The following PHF2 variants were observed in gnomAD, a reference collection of about 807,000 sequenced individuals.
The protein encoded by PHF2 is PHD finger protein 2, also known as lysine-specific demethylase PHF2.
Under a neutral mutation model 120.5 loss-of-function variants are expected in PHF2, and 27 were observed. That is an observed-to-expected ratio of 0.22 (90% CI 0.17 to 0.31). The LOEUF (loss-of-function observed/expected upper bound fraction) is 0.31, where lower values mean the gene tolerates loss of function less well. Ranked by LOEUF, PHF2 falls within the 10% of genes least tolerant of loss-of-function variation. PHF2 has a pLI of 1.00. For synonymous variants in PHF2, 568 were observed against 592.5 expected (o/e 0.96, Z 0.60); for missense variants, 1,024 against 1,434.8 (o/e 0.71, Z 4.63).
At chr9:93,589,479 G>A (rs972334601) in intron 1 of PHF2, among the ~76,000 whole-genome samples, 4 of 152,160 alleles carry the variant, frequency 2.6e-5, no homozygotes, top group East Asian at 1.9e-4. Context: ...ACAAGCCAGA[G>A]TGTCTCCAGA....
chr9:93,654,618 G>C, intron 7 of PHF2, 43 bp downstream of exon 7: 1 of 1,585,656 alleles, frequency 6.3e-7, no homozygotes, highest in Non-Finnish European at 8.6e-7. Context: ...AGGGCTTGCC[G>C]GCCCTCATCA....
chr9:93,671,812 AG>A (rs1826799562), intron 17 of PHF2, among the ~76,000 whole-genome samples: 1 of 140,774 alleles, frequency 7.1e-6, no homozygotes, highest in African/African-American at 2.7e-5. Context: ...GTGTGGATGT[AG>A]GTACAGGTGT....
chr9:93,604,496 G>C (rs1205772289), intron 1 of PHF2, among the ~76,000 whole-genome samples: 2 of 148,880 alleles, frequency 1.3e-5, no homozygotes, highest in African/African-American at 5.0e-5. Context: ...ACAGAGTCTC[G>C]CTCTGTCGCC....
chr9:93,619,500 G>C (rs1014132624), intron 1 of PHF2, among the ~76,000 whole-genome samples: 1 of 152,260 alleles, frequency 6.6e-6, no homozygotes, highest in Non-Finnish European at 1.5e-5. Context: ...GGTGGTGGAT[G>C]CGGGCCTTCA....
At chr9:93,615,700 T>C (rs956676985) in intron 1 of PHF2, among the ~76,000 whole-genome samples, 2 of 152,170 alleles carry the variant, frequency 1.3e-5, no homozygotes, top group Non-Finnish European at 2.9e-5. Context: ...GCCCTTGTCA[T>C]CCTGTTAGCT....
At chr9:93,606,311 T>G (rs1825542025) in intron 1 of PHF2, among the ~76,000 whole-genome samples, 1 of 152,182 alleles carries the variant, frequency 6.6e-6, no homozygotes, top group Non-Finnish European at 1.5e-5. Context: ...TCTTCCATAG[T>G]GGCTGTACCA....
At position 93,653,327 on chromosome 9, in the gene PHF2, G is replaced by A. The variant is rs1268517355; in HGVS notation, c.751G>A (p.Asp251Asn). The change falls in exon 6 of 22, where the codon GAC becomes AAC. Residue 251 changes from aspartate (D) to asparagine (N), a missense_variant. Transcript: ENST00000359246. The part of the protein sequence containing the change: ...VKDSYTDFHI[D>N]SGGASAWYHV... The stretch of plus-strand genomic sequence containing the variant: ...GGACAGTTACACCGACTTCCACATC[G>A]ACTCTGGGGGCGCCTCTGCCTGGTA... 3.7e-6 allele frequency: 6 copies of A among 1,613,726 alleles called. No homozygotes were observed. Among genetic ancestry groups the A allele is most frequent in the East Asian group, 4.5e-5 (2 of 44,900 alleles).
intron 3 of PHF2, among the ~76,000 whole-genome samples, chr9:93,643,878 C>T (rs886590015): frequency 6.6e-6 from 1 of 152,110 alleles, no homozygotes; most frequent in East Asian, 1.9e-4. Context: ...GTCTCCTGGC[C>T]GTCCATATTT....
intron 1 of PHF2, among the ~76,000 whole-genome samples, chr9:93,582,973 T>C (rs2131596565): frequency 6.6e-6 from 1 of 152,320 alleles, no homozygotes; most frequent in African/African-American, 2.4e-5. Flanking sequence ...AGTGTCTTCA[T>C]AGTGTTGAGC....
At chr9:93,675,613 C>A in intron 19 of PHF2, 67 bp from the exon 20 acceptor site, 1 of 1,304,244 alleles carries the variant, frequency 7.7e-7, no homozygotes, top group Non-Finnish European at 1.1e-6. Context: ...GCAGGGTAGC[C>A]CCAAACCAGG....
intron 1 of PHF2, among the ~76,000 whole-genome samples, chr9:93,617,649 T>C (rs1825750273): frequency 6.6e-6 from 1 of 152,158 alleles, no homozygotes; most frequent in African/African-American, 2.4e-5. Context: ...CTAATAGATA[T>C]GTATATGTTT....
chr9:93,610,084 G>A (rs1461863134), intron 1 of PHF2, among the ~76,000 whole-genome samples: 1 of 151,146 alleles, frequency 6.6e-6, no homozygotes, highest in African/African-American at 2.4e-5. Context: ...TTTTTTTGCG[G>A]GGAGGCTTAT....
chr9:93,679,501 T>C lies in PHF2; in HGVS notation c.*1825T>C, dbSNP rs73523944. 5,168 of 302,184 alleles carry C rather than the reference T, an allele frequency of 0.017. 69 individuals carry two copies. The highest frequency in any genetic ancestry group is 0.031 in the Middle Eastern group (26 of 828). 18.7% of individuals were successfully genotyped at this position (302,184 alleles called of 1,614,324 possible). A position where few individuals can be genotyped will look rare whatever the true frequency, so the allele number is the denominator to read the frequency against. Reference sequence around the variant, plus strand: ...TTAAAGTGTTTTATTTCCCAATTCATATTACTCTTGTATCGAGTCCATGAG... The same window carrying C: ...TTAAAGTGTTTTATTTCCCAATTCACATTACTCTTGTATCGAGTCCATGAG... On this transcript the variant is annotated 3_prime_UTR_variant, in exon 22 of 22. Coordinates refer to ENST00000359246, the MANE Select transcript of PHF2 (RefSeq NM_005392.4).
chr9:93,623,783 G>A (rs1825861997), intron 1 of PHF2, among the ~76,000 whole-genome samples: 1 of 152,182 alleles, frequency 6.6e-6, no homozygotes, highest in Admixed American at 6.5e-5. Context: ...AAGATAGAGT[G>A]AACTTTATAT....
In PHF2 at chr9:93,576,864, C is replaced by A; in HGVS notation, c.91C>A (p.His31Asn). 1.6e-6 allele frequency: 2 copies of A among 1,251,058 alleles called. No individual in the cohort carries two copies. The highest frequency in any genetic ancestry group is 1.3e-5 in the South Asian group (1 of 74,648). 77.5% of individuals were successfully genotyped at this position (1,251,058 alleles called of 1,614,324 possible). The change falls in exon 1 of 22, where the codon CAC becomes AAC. Residue 31 changes from histidine (H) to asparagine (N), a missense_variant. His to Asn is a moderately conservative substitution (Grantham distance 68). Transcript: ENST00000359246. ...GTGCGACGCCTGCAAGGACTGGTTCCACGGCAGGTGAGCGCGCGGCGGCTG... is the reference window on the plus strand; with the variant it reads ...GTGCGACGCCTGCAAGGACTGGTTCAACGGCAGGTGAGCGCGCGGCGGCTG... ...IECDACKDWF[H>N]GSCVGVEEEE...
chr9:93,617,689 T>C lies in PHF2; in HGVS notation c.99-12281T>C, dbSNP rs554469950. 2.6e-5 allele frequency among the ~76,000 whole-genome samples: 4 copies of C among 152,208 alleles called. No homozygotes were observed. The East Asian group carries it at 7.7e-4, about 29-fold the overall frequency. On this transcript the variant is annotated intron_variant, in intron 1 of 21. Transcript: ENST00000359246. Reference sequence around the variant, plus strand: ...AGTGTTAACTCACACGATCACAAGGTCCCACAATAGGCCATCTGCAAGCTG... The same window carrying C: ...AGTGTTAACTCACACGATCACAAGGCCCCACAATAGGCCATCTGCAAGCTG...
At chr9:93,619,825 CT>C (rs1247292187) in intron 1 of PHF2, among the ~76,000 whole-genome samples, 6 of 152,118 alleles carry the variant, frequency 3.9e-5, no homozygotes, top group African/African-American at 1.4e-4. Flanking sequence ...GGCCGGCCAA[CT>C]TTGCCTTTTT....
At chr9:93,671,006 G>T in intron 17 of PHF2, 1 of 985,042 alleles carries the variant, frequency 1.0e-6, no homozygotes, top group Non-Finnish European at 1.2e-6. Flanking sequence ...TGCAGATGCA[G>T]CTGCAGGTCT....
At chr9:93,640,647 TC>T (rs1826159535) in intron 3 of PHF2, among the ~76,000 whole-genome samples, 1 of 152,214 alleles carries the variant, frequency 6.6e-6, no homozygotes, top group South Asian at 2.1e-4. Context: ...AACATACTAA[TC>T]CTAGTTATTT....
Sources: gnomAD v4.1 joint callset for allele counts (sites outside exome capture counted in the v4.1 genomes callset) on GRCh38, gnomAD v4.1.1 for gene constraint, MANE v1.5 for transcripts, NCBI Gene and HGNC (gene_info 2026-07-23, HGNC 2026-07-21) for gene names.